Variants in CNOT6 observed in about 807,000 individuals in gnomAD.
CNOT6 encodes carbon catabolite repression 4 protein.
CNOT6 carries 12 observed loss-of-function variants against 61.2 expected under a neutral mutation model. That is an observed-to-expected ratio of 0.20 (90% CI 0.13 to 0.32). CNOT6 has a LOEUF of 0.32. Ranked by LOEUF, CNOT6 falls within the 10% of genes least tolerant of loss-of-function variation. The pLI, the probability that CNOT6 is intolerant of heterozygous loss-of-function variation, is 1.00. For missense variants in CNOT6, 405 were observed against 663.9 expected (o/e 0.61, Z 4.28); for synonymous variants, 225 against 240.6 (o/e 0.94, Z 0.60).
chr5:180,533,312 CTATATATATATATATA>C (rs56266069), intron 2 of CNOT6, among the ~76,000 whole-genome samples: 37,323 of 127,728 alleles, frequency 0.29, 6,612 homozygotes, highest in Middle Eastern at 0.45. Flanking sequence ...GGATGAAAAC[CTATATATATATATATA>C]TATATATATA....
intron 1 of CNOT6, among the ~76,000 whole-genome samples, chr5:180,526,797 T>C (rs995638281): frequency 6.6e-6 from 1 of 151,894 alleles, no homozygotes; most frequent in Admixed American, 6.6e-5. Flanking sequence ...GGAATATGCA[T>C]GGGAGTGATG....
At chr5:180,520,721 A>G (rs1397840020) in intron 1 of CNOT6, among the ~76,000 whole-genome samples, 1 of 152,158 alleles carries the variant, frequency 6.6e-6, no homozygotes, top group Non-Finnish European at 1.5e-5. Context: ...TTTTCTCTGC[A>G]AGGTTGGGGT....
At chr5:180,517,183 G>C (rs1172388219) in intron 1 of CNOT6, among the ~76,000 whole-genome samples, 1 of 152,080 alleles carries the variant, frequency 6.6e-6, no homozygotes. Context: ...TTTCGCTCAG[G>C]CTGGAGCGCA....
At chr5:180,513,861 G>A (rs1255861793) in intron 1 of CNOT6, among the ~76,000 whole-genome samples, 1 of 151,546 alleles carries the variant, frequency 6.6e-6, no homozygotes, top group Non-Finnish European at 1.5e-5. Context: ...CCGCCACCAC[G>A]CCCGGCTAAT....
At chr5:180,518,190 C>G (rs568167847) in intron 1 of CNOT6, among the ~76,000 whole-genome samples, 1 of 152,234 alleles carries the variant, frequency 6.6e-6, no homozygotes, top group East Asian at 1.9e-4. Flanking sequence ...TCTTACTGCT[C>G]AAATGGTCAT....
intron 1 of CNOT6, among the ~76,000 whole-genome samples, chr5:180,523,529 C>T (rs938929367): frequency 6.6e-6 from 1 of 152,144 alleles, no homozygotes; most frequent in Admixed American, 6.5e-5. Flanking sequence ...CTCTTTTCAA[C>T]AACTATTTCT....
chr5:180,502,777 A>T (rs1756922443), intron 1 of CNOT6, among the ~76,000 whole-genome samples: 2 of 152,176 alleles, frequency 1.3e-5, no homozygotes. Flanking sequence ...CCAAACAGAG[A>T]TGAAGATATG....
chr5:180,566,499 T>G (rs1760462872), intron 7 of CNOT6, among the ~76,000 whole-genome samples: 1 of 152,150 alleles, frequency 6.6e-6, no homozygotes, highest in East Asian at 1.9e-4. Context: ...TTCTAAGACA[T>G]AAGGAAATAC....
At chr5:180,524,583 A>G (rs1262357528) in intron 1 of CNOT6, among the ~76,000 whole-genome samples, 1 of 152,184 alleles carries the variant, frequency 6.6e-6, no homozygotes, top group Non-Finnish European at 1.5e-5. Flanking sequence ...ACGAAAAACC[A>G]AGAAAGGGAA....
In CNOT6 at chr5:180,531,153, C is replaced by T. The variant is rs559975856; in HGVS notation, c.112+1765C>T. On this transcript the variant is annotated intron_variant, in intron 2 of 11. Coordinates refer to ENST00000261951, the MANE Select transcript of CNOT6 (RefSeq NM_001370472.1). ...CCCAGACCGGGCGGCTGGGCGGAGG[C>T]GCCCCCCACCTCCCTCCCAGCTGGG... Among the ~76,000 whole-genome samples, 411 of 127,734 alleles carry T rather than the reference C, an allele frequency of 3.2e-3. 26 individuals are homozygous for T. The highest frequency in any genetic ancestry group is 5.6e-3 in the Non-Finnish European group (316 of 56,504). 83.8% of individuals were successfully genotyped at this position (127,734 alleles called of 152,430 possible).
intron 7 of CNOT6, 53 bp from the exon 8 acceptor site, chr5:180,567,035 A>G (rs553852826): frequency 6.7e-6 from 10 of 1,502,890 alleles, no homozygotes; most frequent in Non-Finnish European, 8.1e-6. Context: ...AGAAGTTAAT[A>G]TGCAGACTAA....
Position 180,574,256 on chromosome 5 carries a change from C to A in CNOT6, c.*56C>A, listed in dbSNP as rs774520752. Reference sequence around the variant, plus strand: ...ACTTGTAAACTTGTGAAAATCTGAACATAGGGGAGTGAGGTATGGCCACTG... The same window carrying A: ...ACTTGTAAACTTGTGAAAATCTGAAAATAGGGGAGTGAGGTATGGCCACTG... On this transcript the variant is annotated 3_prime_UTR_variant, in exon 12 of 12. Transcript: ENST00000261951. The A allele has an allele frequency of 6.0e-5, 86 of 1,439,390 alleles. No homozygotes were observed. Among genetic ancestry groups the A allele is most frequent in the Non-Finnish European group, 8.1e-5 (83 of 1,022,146 alleles). 89.2% of individuals were successfully genotyped at this position (1,439,390 alleles called of 1,614,324 possible). A position where few individuals can be genotyped will look rare whatever the true frequency, so the allele number is the denominator to read the frequency against.
intron 4 of CNOT6, among the ~76,000 whole-genome samples, chr5:180,558,929 A>AC (rs1307523388): frequency 6.6e-6 from 1 of 151,826 alleles, no homozygotes; most frequent in African/African-American, 2.4e-5. Flanking sequence ...CAAGCACTTT[A>AC]CCCCCGGCTT....
chr5:180,500,955 TAGGACAGGGAGA>T (rs947242940), intron 1 of CNOT6, among the ~76,000 whole-genome samples: 2 of 151,776 alleles, frequency 1.3e-5, no homozygotes, highest in Non-Finnish European at 2.9e-5. Flanking sequence ...TTAGGTTGAG[TAGGACAGGGAGA>T]AGGAACAGCA....
chr5:180,562,590 A>C (rs1025311281), intron 4 of CNOT6, among the ~76,000 whole-genome samples: 1 of 152,132 alleles, frequency 6.6e-6, no homozygotes, highest in Non-Finnish European at 1.5e-5. Flanking sequence ...AATACAAAAA[A>C]TTAGCCGGGC....
At chr5:180,541,327 C>T (rs1284871099) in intron 2 of CNOT6, among the ~76,000 whole-genome samples, 5 of 150,948 alleles carry the variant, frequency 3.3e-5, no homozygotes, top group Admixed American at 6.6e-5. Context: ...TTAGTAGACA[C>T]GGGGTTTCAC....
chr5:180,565,781 TGCCACA>T (rs1253842801), intron 6 of CNOT6, 33 bp from the exon 7 acceptor site: 1 of 1,517,736 alleles, frequency 6.6e-7, no homozygotes, highest in Admixed American at 2.1e-5. Context: ...TATTTTTTTC[TGCCACA>T]TGTGTGAATA....
intron 11 of CNOT6, 24 bp downstream of exon 11, chr5:180,571,456 T>C (rs1442147092): frequency 1.9e-6 from 3 of 1,567,572 alleles, no homozygotes; most frequent in Non-Finnish European, 1.8e-6. Context: ...CTGATAAGCT[T>C]TTCAAACCTG....
chr5:180,540,751 C>T (rs896113078), intron 2 of CNOT6, among the ~76,000 whole-genome samples: 4 of 152,090 alleles, frequency 2.6e-5, no homozygotes, highest in African/African-American at 7.2e-5. Context: ...ACCTGTATTT[C>T]TGTTTCTCCT....
Sources: gnomAD v4.1 joint callset for allele counts (sites outside exome capture counted in the v4.1 genomes callset) on GRCh38, gnomAD v4.1.1 for gene constraint, MANE v1.5 for transcripts, NCBI Gene and HGNC (gene_info 2026-07-23, HGNC 2026-07-21) for gene names.